PRUNE2: variants seen among roughly 807,000 people sequenced by gnomAD.
PRUNE2 encodes protein prune homolog 2.
In PRUNE2, 164 loss-of-function variants were observed where a neutral mutation model predicts 252.0. The observed-to-expected ratio is 0.65, with a 90% CI of 0.57 to 0.74. PRUNE2 has a LOEUF of 0.74. Among genes scored for constraint, PRUNE2 ranks in the 30% least tolerant of loss-of-function variants. The pLI, the probability that PRUNE2 is intolerant of heterozygous loss-of-function variation, is 0.00. For synonymous variants in PRUNE2, 1,292 were observed against 1,350.2 expected, an observed-to-expected ratio of 0.96 and a Z score of 0.94; for missense variants, 3,495 against 3,711.0, an observed-to-expected ratio of 0.94 and a Z score of 1.51.
chr9:76,854,399 C>G (rs1258841334), intron 1 of PRUNE2, among the ~76,000 whole-genome samples, 191 bp from the exon 2 acceptor site: 2 of 152,186 alleles, frequency 1.3e-5, no homozygotes, highest in African/African-American at 2.4e-5. Flanking sequence ...AATATTCACT[C>G]AAACTCTAGT....
At chr9:76,729,892 T>C (rs1412949167) in intron 6 of PRUNE2, among the ~76,000 whole-genome samples, 2 of 152,310 alleles carry the variant, frequency 1.3e-5, no homozygotes, top group African/African-American at 2.4e-5. Flanking sequence ...CTTAGACATA[T>C]GTAAAAAAAT....
In PRUNE2 at chr9:76,706,958, T is replaced by A; in HGVS notation, c.5316A>T (p.Leu1772Phe). 1.9e-6 allele frequency: 3 copies of A among 1,613,882 alleles called. No homozygotes were observed. The highest frequency in any genetic ancestry group is 2.5e-6 in the Non-Finnish European group (3 of 1,179,832). Residue 1772 changes from leucine (L) to phenylalanine (F), a missense_variant, in exon 8 of 19, where the codon TTA becomes TTT. Physicochemically the swap from Leu to Phe is conservative, Grantham distance 22 (BLOSUM62 0). Coordinates refer to ENST00000376718, the MANE Select transcript of PRUNE2 (RefSeq NM_015225.3). ...CTGTAATCTGCATTTCAGTCTCCGTTAATGGTGAGAAAGTCCAGGGATCAG... is the reference window on the plus strand; with the variant it reads ...CTGTAATCTGCATTTCAGTCTCCGTAAATGGTGAGAAAGTCCAGGGATCAG... ...SSPDPWTFSP[L>F]TETEMQITAV...
intron 9 of PRUNE2, among the ~76,000 whole-genome samples, chr9:76,684,290 C>G (rs954178866): frequency 6.6e-6 from 1 of 152,154 alleles, no homozygotes; most frequent in Non-Finnish European, 1.5e-5. Flanking sequence ...TCTACATCTA[C>G]GAGTCTGAGG....
At chr9:76,865,131 C>T (rs940267741) in intron 1 of PRUNE2, among the ~76,000 whole-genome samples, 1 of 152,116 alleles carries the variant, frequency 6.6e-6, no homozygotes, top group African/African-American at 2.4e-5. Flanking sequence ...GGTAGTGCAC[C>T]TCAGTGTTAG....
At chr9:76,649,625 G>GATAGATAGATAC (rs1372619300) in intron 11 of PRUNE2, among the ~76,000 whole-genome samples, 1 of 151,838 alleles carries the variant, frequency 6.6e-6, no homozygotes, top group Non-Finnish European at 1.5e-5. Context: ...TAGATAGATA[G>GATAGATAGATAC]ATAGATAGAT....
At chr9:76,652,201 T>C (rs922231544) in intron 11 of PRUNE2, 10 of 281,808 alleles carry the variant, frequency 3.5e-5, no homozygotes, top group African/African-American at 4.3e-5. Context: ...CCAGGTTTCT[T>C]GTAACACAGC....
At chr9:76,861,187 T>G (rs1441232320) in intron 1 of PRUNE2, among the ~76,000 whole-genome samples, 1 of 152,178 alleles carries the variant, frequency 6.6e-6, no homozygotes, top group Non-Finnish European at 1.5e-5. Flanking sequence ...ACACCCCCTC[T>G]GCAGCTCTGC....
At chr9:76,728,637 G>C (rs1159322495) in intron 6 of PRUNE2, among the ~76,000 whole-genome samples, 3 of 152,154 alleles carry the variant, frequency 2.0e-5, no homozygotes, top group Non-Finnish European at 4.4e-5. Flanking sequence ...GTTCATATTT[G>C]CGTATGTGTG....
At chr9:76,775,931 C>T (rs959029970) in intron 6 of PRUNE2, among the ~76,000 whole-genome samples, 10 of 151,104 alleles carry the variant, frequency 6.6e-5, no homozygotes, top group African/African-American at 2.4e-4. Context: ...CATCCCTAAA[C>T]CTAATTCCAC....
rs149142419 is a variant in PRUNE2 at position 76,780,364 on chromosome 9, G to A, written c.756+43268C>T. On this transcript the variant is annotated intron_variant, in intron 6 of 18. Transcript: ENST00000376718. ...TGAAGACAAGTTGAGAGACCATTTA[G>A]TCTGGCCACCTGTATCCAAGATTCA... 1.1e-4 allele frequency among the ~76,000 whole-genome samples: 17 copies of A among 152,208 alleles called. No homozygotes were observed. The East Asian group carries it at 3.3e-3, about 30-fold the overall frequency.
At chr9:76,643,376 GT>G (rs1232460562) in intron 12 of PRUNE2, among the ~76,000 whole-genome samples, 1 of 152,150 alleles carries the variant, frequency 6.6e-6, no homozygotes, top group Non-Finnish European at 1.5e-5. Context: ...GGCAGCCTTT[GT>G]TTTGTTTCTA....
chr9:76,795,155 T>C (rs2055962177), intron 6 of PRUNE2, among the ~76,000 whole-genome samples: 1 of 152,036 alleles, frequency 6.6e-6, no homozygotes, highest in Non-Finnish European at 1.5e-5. Context: ...TTGGCCAATC[T>C]CCAGAATGAA....
At chr9:76,839,517 A>C (rs1369620215) in intron 4 of PRUNE2, among the ~76,000 whole-genome samples, 1 of 152,226 alleles carries the variant, frequency 6.6e-6, no homozygotes, top group Non-Finnish European at 1.5e-5. Flanking sequence ...TCTGCAACAC[A>C]GTGGGAAAAG....
rs766682118 is a variant in PRUNE2 at position 76,905,970 on chromosome 9, G to T, written c.-7C>A. 6.2e-6 allele frequency: 10 copies of T among 1,614,138 alleles called. No homozygotes were observed. The highest frequency in any genetic ancestry group is 8.5e-6 in the Non-Finnish European group (10 of 1,180,000). ...GTTGCAAAAATTCTTCCATGTCGTG[G>T]CTAGGGGTTTGGAACCCGGGTACTC... On this transcript the variant is annotated 5_prime_UTR_variant, in exon 1 of 19. Transcript: ENST00000376718.
intron 4 of PRUNE2, among the ~76,000 whole-genome samples, chr9:76,829,192 G>A (rs533383210): frequency 7.9e-4 from 120 of 152,226 alleles, no homozygotes; most frequent in African/African-American, 2.8e-3. Context: ...CCAAGTAACT[G>A]TCTTGGAAGC....
chr9:76,712,013 T>C (rs1230657790), intron 7 of PRUNE2, among the ~76,000 whole-genome samples: 1 of 152,144 alleles, frequency 6.6e-6, no homozygotes, highest in Non-Finnish European at 1.5e-5. Flanking sequence ...TTCTGATTTT[T>C]AAGGAATGTC....
chr9:76,636,972 A>AGTGTGTGTGTGTGTGTGTGTGTGTGT (rs367745600), intron 14 of PRUNE2, among the ~76,000 whole-genome samples: 1 of 131,470 alleles, frequency 7.6e-6, no homozygotes, highest in Non-Finnish European at 1.6e-5. Context: ...CAACAACAAA[A>AGTGTGTGTGTGTGTGTGTGTGTGTGT]ATGTGTGTGT....
chr9:76,664,460 C>G (rs1290850770), intron 9 of PRUNE2, among the ~76,000 whole-genome samples: 3 of 152,220 alleles, frequency 2.0e-5, no homozygotes, highest in Non-Finnish European at 2.9e-5. Context: ...ATTCCTATTA[C>G]AAACACTGGG....
At chr9:76,858,197 T>C (rs1297869487) in intron 1 of PRUNE2, among the ~76,000 whole-genome samples, 1 of 152,202 alleles carries the variant, frequency 6.6e-6, no homozygotes, top group Non-Finnish European at 1.5e-5. Context: ...TCTAAGGATA[T>C]AGCAATAAAC....
Sources: allele counts gnomAD v4.1 joint callset (sites outside exome capture counted in the v4.1 genomes callset), GRCh38; gene constraint gnomAD v4.1.1; transcripts MANE v1.5; gene names NCBI Gene and HGNC (gene_info 2026-07-23, HGNC 2026-07-21).